SVEP1: variants seen among roughly 807,000 people sequenced by gnomAD.
SVEP1 encodes sushi, von Willebrand factor type A, EGF and pentraxin domain-containing protein 1.
Under a neutral mutation model 367.3 loss-of-function variants are expected in SVEP1, and 164 were observed. That is an observed-to-expected ratio of 0.45 (90% CI 0.39 to 0.51). SVEP1 has a LOEUF of 0.51. SVEP1 is among the 20% of genes least tolerant of loss of function. SVEP1 has a pLI of 0.00. For synonymous variants in SVEP1, 1,666 were observed against 1,611.6 expected (o/e 1.03, Z -0.81); for missense variants, 4,117 against 4,425.3 (o/e 0.93, Z 1.98).
intron 20 of SVEP1, chr9:110,457,994 A>G: frequency 6.1e-6 from 2 of 327,242 alleles, no homozygotes; most frequent in South Asian, 2.4e-5. Flanking sequence ...AATATAAAGC[A>G]TTTGGTTTAG....
intron 32 of SVEP1, 76 bp from the exon 33 acceptor site, chr9:110,430,526 C>T: frequency 2.1e-6 from 3 of 1,441,564 alleles, no homozygotes; most frequent in South Asian, 1.4e-5. Flanking sequence ...AAAAGAATTC[C>T]ACTATAGTTA....
chr9:110,542,177 T>C (rs1830159559), intron 3 of SVEP1, among the ~76,000 whole-genome samples: 1 of 152,108 alleles, frequency 6.6e-6, no homozygotes, highest in African/African-American at 2.4e-5. Context: ...TAAGATGTTA[T>C]TTTCAAACAT....
chr9:110,550,812 T>A (rs1056787953), intron 1 of SVEP1, among the ~76,000 whole-genome samples: 1 of 152,246 alleles, frequency 6.6e-6, no homozygotes, highest in African/African-American at 2.4e-5. Flanking sequence ...AATTCTGTTT[T>A]ACAATGATAT....
intron 32 of SVEP1, 92 bp from the exon 33 acceptor site, chr9:110,430,542 C>T (rs1828335468): frequency 1.5e-6 from 2 of 1,368,158 alleles, no homozygotes; most frequent in South Asian, 3.0e-5. Context: ...AGTTAAGAAA[C>T]CTGTTAAAAT....
chr9:110,377,236 T>G, intron 45 of SVEP1, 35 bp downstream of exon 45: 1 of 1,596,612 alleles, frequency 6.3e-7, no homozygotes. Flanking sequence ...AGGCAATTTG[T>G]CAGGACTCAA....
At chr9:110,462,681 G>A (rs920923214) in intron 18 of SVEP1, among the ~76,000 whole-genome samples, 1 of 151,520 alleles carries the variant, frequency 6.6e-6, no homozygotes, top group Non-Finnish European at 1.5e-5. Context: ...CAAGAAAAAT[G>A]CAACAAAACC....
At chr9:110,485,059 T>C (rs1829255603) in intron 9 of SVEP1, among the ~76,000 whole-genome samples, 1 of 152,182 alleles carries the variant, frequency 6.6e-6, no homozygotes, top group Admixed American at 6.5e-5. Context: ...AGAAATACCA[T>C]TTGACCCAGC....
intron 1 of SVEP1, among the ~76,000 whole-genome samples, chr9:110,557,052 C>T (rs9299186): frequency 0.6 from 90,500 of 152,024 alleles, 27,660 homozygotes; most frequent in East Asian, 0.86. Context: ...TTCACCACGC[C>T]TTGTCTGTTA....
intron 40 of SVEP1, among the ~76,000 whole-genome samples, chr9:110,395,423 G>A (rs62571904): frequency 6.6e-6 from 1 of 152,054 alleles, no homozygotes; most frequent in East Asian, 1.9e-4. Context: ...GACCATCAAG[G>A]CTAGGAAGAA....
rs1218750531 is a variant in SVEP1 at position 110,459,102 on chromosome 9, C to T, written c.3334G>A (p.Glu1112Lys). ...NISACGVPCP[E>K]GKFSRSGLMP... is the part of the protein sequence containing the mutation. ...AACCCAGAACGCGAGAATTTTCCTT[C>T]TGGACAAGGAACTGCAGAGGTAAAA... Residue 1112 changes from glutamate (E) to lysine (K), a missense_variant, in exon 19 of 48, where the codon GAA becomes AAA. Transcript: ENST00000374469. The T allele has an allele frequency of 6.2e-7, 1 of 1,613,444 alleles. No individual in the cohort carries two copies. The highest frequency in any genetic ancestry group is 8.5e-7 in the Non-Finnish European group (1 of 1,179,626).
Position 110,407,276 on chromosome 9 carries a change from C to T in SVEP1, c.8324G>A (p.Cys2775Tyr), listed in dbSNP as rs749615863. The T allele has an allele frequency of 5.0e-6, 8 of 1,613,978 alleles. No homozygotes were observed. Among genetic ancestry groups the T allele is most frequent in the Non-Finnish European group, 6.8e-6 (8 of 1,179,900 alleles). ...GASPRCEAIS[C>Y]KKPNPVMNGS... is the part of the protein sequence containing the mutation. ...ATTCATGACTGGATTTGGCTTTTTG[C>T]ATGAAATGGCTTCACAGCGTGGGGA... The change falls in exon 38 of 48, where the codon TGC (cysteine) becomes TAC (tyrosine). Residue 2775 changes from cysteine to tyrosine, a missense_variant. Around this residue, in one of 4 missense-constraint regions of SVEP1, gnomAD observed 1,765 missense variants for 1,781.1 expected, o/e 0.99. Coordinates refer to ENST00000374469, the MANE Select transcript of SVEP1 (RefSeq NM_153366.4).
chr9:110,401,122 C>T (rs959293866), intron 39 of SVEP1, 113 bp from the exon 40 acceptor site: 34 of 1,321,952 alleles, frequency 2.6e-5, no homozygotes, highest in Non-Finnish European at 3.2e-5. Flanking sequence ...TAGTCAAAAG[C>T]ACCCAGGGTT....
In SVEP1 at chr9:110,514,005, A is replaced by G. The variant is rs1297492328; in HGVS notation, c.1066T>C (p.Ser356Pro). Reference sequence around the variant, plus strand: ...TCTCTGCAGACACAGTCTTCAGGGGATGTGCTTCCAGGTGGAGAGGTGTGA... The same window carrying G: ...TCTCTGCAGACACAGTCTTCAGGGGGTGTGCTTCCAGGTGGAGAGGTGTGA... ...ENHTSPPGST[S>P]PEDCVCREGY... is the part of the protein sequence containing the mutation. The change falls in exon 4 of 48, where the codon TCC becomes CCC. Residue 356 changes from serine (S) to proline (P), a missense_variant. Physicochemically the swap from Ser to Pro is moderately conservative, Grantham distance 74. Around this residue, in one of 4 missense-constraint regions of SVEP1, gnomAD observed 2,174 missense variants for 2,494.3 expected, o/e 0.87. Transcript: ENST00000374469. The G allele has an allele frequency of 6.2e-7, 1 of 1,612,912 alleles. No individual in the cohort carries two copies. Among genetic ancestry groups the G allele is most frequent in the South Asian group, 1.1e-5 (1 of 90,680 alleles).
At chr9:110,414,284 T>C (rs1828085637) in intron 36 of SVEP1, among the ~76,000 whole-genome samples, 1 of 152,036 alleles carries the variant, frequency 6.6e-6, no homozygotes. Context: ...TAACTGACAA[T>C]ATTTATGAAA....
chr9:110,369,700 A>G (rs1248471840), intron 47 of SVEP1: 3 of 520,350 alleles, frequency 5.8e-6, no homozygotes, highest in Non-Finnish European at 1.0e-5. Context: ...AGTGAGCACA[A>G]GACTGCTTAT....
At chr9:110,516,257 A>G (rs1829802838) in intron 3 of SVEP1, among the ~76,000 whole-genome samples, 1 of 151,134 alleles carries the variant, frequency 6.6e-6, no homozygotes. Flanking sequence ...ATTACAATAT[A>G]CTAAAAAAAT....
At chr9:110,471,230 GTAATAA>G in intron 16 of SVEP1, 128 bp downstream of exon 16, 1 of 714,118 alleles carries the variant, frequency 1.4e-6, no homozygotes, top group East Asian at 2.7e-5. Flanking sequence ...AGACAAAATA[GTAATAA>G]TAACAACCAC....
intron 39 of SVEP1, among the ~76,000 whole-genome samples, chr9:110,403,946 G>C (rs1454775999): frequency 6.6e-6 from 1 of 151,584 alleles, no homozygotes; most frequent in Non-Finnish European, 1.5e-5. Context: ...GCAGAGAAGA[G>C]GATTTGACAC....
chr9:110,415,940 T>A (rs1248213261), intron 36 of SVEP1, among the ~76,000 whole-genome samples: 1 of 152,028 alleles, frequency 6.6e-6, no homozygotes, highest in Non-Finnish European at 1.5e-5. Flanking sequence ...GTACCTCATG[T>A]GGATTGGAGT....
Sources: gnomAD v4.1 joint callset for allele counts (sites outside exome capture counted in the v4.1 genomes callset) on GRCh38, gnomAD v4.1.1 for gene constraint, gnomAD v4.1.1 regional missense constraint, MANE v1.5 for transcripts, NCBI Gene and HGNC (gene_info 2026-07-23, HGNC 2026-07-21) for gene names.